HM13: variants seen among roughly 807,000 people sequenced by gnomAD.
HM13 encodes histocompatibility minor 13.
In HM13, 18 loss-of-function variants were observed where a neutral mutation model predicts 50.0. The observed-to-expected ratio is 0.36, with a 90% CI of 0.25 to 0.53. The LOEUF is 0.53. Ranked by LOEUF, HM13 falls within the 20% of genes least tolerant of loss-of-function variation. The pLI is 0.90. For synonymous variants in HM13, 197 were observed against 232.6 expected, an observed-to-expected ratio of 0.85 and a Z score of 1.39; for missense variants, 393 against 552.4, an observed-to-expected ratio of 0.71 and a Z score of 2.89.
chr20:31,522,163 G>A (rs1982202498), intron 1 of HM13, among the ~76,000 whole-genome samples: 1 of 152,146 alleles, frequency 6.6e-6, no homozygotes, highest in Non-Finnish European at 1.5e-5. Flanking sequence ...CCATAATGCT[G>A]GTTTGTAGGT....
At chr20:31,545,788 G>A (rs1240592051) in intron 4 of HM13, among the ~76,000 whole-genome samples, 1 of 151,960 alleles carries the variant, frequency 6.6e-6, no homozygotes, top group Non-Finnish European at 1.5e-5. Context: ...GTGCAGTGGT[G>A]CGATCTCAGC....
intron 1 of HM13, among the ~76,000 whole-genome samples, chr20:31,526,066 C>T (rs7273756): frequency 1.3e-5 from 2 of 151,834 alleles, no homozygotes. Flanking sequence ...CAGAGGTTGC[C>T]GTGAGCCAAG....
chr20:31,559,575 TC>T lies in HM13; in HGVS notation c.809-33del, dbSNP rs778425970. ...CCTGTTAGTTCACTGCCCTGCTGCT[TC>T]CCTGCCACTCTCTAACCCCAGCTTT... On this transcript the variant is annotated intron_variant, in intron 8 of 12. Transcript: ENST00000398174. The T allele has an allele frequency of 4.3e-6, 7 of 1,611,980 alleles. No homozygotes were observed. In the African/African-American group the frequency reaches 8.0e-5, roughly 18 times the overall value.
At chr20:31,528,041 C>G (rs1982600084) in intron 2 of HM13, 1 of 153,170 alleles carries the variant, frequency 6.5e-6, no homozygotes, top group African/African-American at 2.4e-5. Context: ...GTCACAGTTT[C>G]CCTTCGGAGG....
rs369324901 is a variant in HM13 at position 31,514,551 on chromosome 20, C to T, written c.-1C>T. The stretch of plus-strand genomic sequence containing the variant: ...AGTCGGATCCCGAACGCACCCTCGC[C>T]ATGGACTCGGCCCTCAGCGATCCGC... On this transcript the variant is annotated 5_prime_UTR_variant, in exon 1 of 13. Coordinates refer to ENST00000398174, the MANE Select transcript of HM13 (RefSeq NM_178581.3). The surrounding 1 kb of genome is among the most constrained non-coding windows in gnomAD (Gnocchi z 4.3). 3.7e-6 allele frequency: 6 copies of T among 1,605,082 alleles called. No homozygotes were observed. Among genetic ancestry groups the T allele is most frequent in the Non-Finnish European group, 5.1e-6 (6 of 1,177,616 alleles).
intron 1 of HM13, among the ~76,000 whole-genome samples, chr20:31,518,225 G>A (rs1349754051): frequency 6.6e-6 from 1 of 151,308 alleles, no homozygotes; most frequent in African/African-American, 2.4e-5. Context: ...AGTAGAGACG[G>A]GATTTCTCCA....
chr20:31,561,558 G>A, intron 9 of HM13, 76 bp from the exon 10 acceptor site: 1 of 1,024,730 alleles, frequency 9.8e-7, no homozygotes, highest in Non-Finnish European at 1.6e-6. Context: ...GTCTTCCCCA[G>A]CTCCCTCAGA....
chr20:31,554,169 G>C (rs528751455), intron 7 of HM13, among the ~76,000 whole-genome samples: 1 of 152,172 alleles, frequency 6.6e-6, no homozygotes, highest in Admixed American at 6.5e-5. Flanking sequence ...AGAAACAAAT[G>C]TGTGAGTTTC....
At chr20:31,526,281 C>T (rs112703128) in intron 1 of HM13, among the ~76,000 whole-genome samples, 1 of 151,970 alleles carries the variant, frequency 6.6e-6, no homozygotes, top group Non-Finnish European at 1.5e-5. Flanking sequence ...GACTCAGCCT[C>T]CTGAGTAGCT....
chr20:31,548,172 G>T, intron 4 of HM13: 1 of 740,262 alleles, frequency 1.4e-6, no homozygotes, highest in Non-Finnish European at 2.4e-6. Flanking sequence ...AAGTTTAACA[G>T]ATACTTTATA....
intron 10 of HM13, 113 bp downstream of exon 10, chr20:31,561,849 T>C: frequency 1.3e-6 from 1 of 746,024 alleles, no homozygotes; most frequent in Non-Finnish European, 2.4e-6. Flanking sequence ...CCCACTGGTG[T>C]TGGAGCAGTC....
chr20:31,522,327 C>CCAAG (rs1455499494), intron 1 of HM13, among the ~76,000 whole-genome samples: 1 of 152,074 alleles, frequency 6.6e-6, no homozygotes, highest in Non-Finnish European at 1.5e-5. Flanking sequence ...CTTTGGGAGG[C>CCAAG]CAAGGCAGGC....
At chr20:31,544,274 C>A (rs1331812455) in intron 3 of HM13, among the ~76,000 whole-genome samples, 1 of 152,208 alleles carries the variant, frequency 6.6e-6, no homozygotes, top group African/African-American at 2.4e-5. Context: ...GAAAAAAGTC[C>A]AGAAAAGGTC....
At chr20:31,557,847 A>G (rs142775006) in intron 8 of HM13, among the ~76,000 whole-genome samples, 1,746 of 152,006 alleles carry the variant, frequency 0.011, 30 homozygotes, top group African/African-American at 0.04. Context: ...AGCTGGGATT[A>G]CAGGCATGTG....
At position 31,514,956 on chromosome 20, in the gene HM13, G is replaced by A. The variant is rs1981682653; in HGVS notation, c.183+222G>A. On this transcript the variant is annotated intron_variant, in intron 1 of 12. Coordinates refer to ENST00000398174, the MANE Select transcript of HM13 (RefSeq NM_178581.3). This position sits in a 1 kb window ranked among gnomAD's most constrained non-coding sequence, Gnocchi z 4.3. ...CAGGGTATGATACCTTCCCCAATAG[G>A]AACTTGCTTCTGCTCCCGACCCGGA... 6.6e-6 allele frequency among the ~76,000 whole-genome samples: 1 copy of A among 152,088 alleles called. No homozygotes were observed. The highest frequency in any genetic ancestry group is 2.4e-5 in the African/African-American group (1 of 41,386).
intron 2 of HM13, among the ~76,000 whole-genome samples, chr20:31,536,169 G>A (rs1028435240): frequency 6.6e-6 from 1 of 152,162 alleles, no homozygotes; most frequent in African/African-American, 2.4e-5. Flanking sequence ...TTCAAGACCA[G>A]CCTGACCAAC....
intron 7 of HM13, among the ~76,000 whole-genome samples, chr20:31,553,519 G>A (rs1984140830): frequency 6.6e-6 from 1 of 152,068 alleles, no homozygotes; most frequent in Non-Finnish European, 1.5e-5. Flanking sequence ...GGTCAGTTCT[G>A]TTGTCTACCC....
chr20:31,515,600 T>C (rs1981724035), intron 1 of HM13, among the ~76,000 whole-genome samples: 1 of 152,026 alleles, frequency 6.6e-6, no homozygotes, highest in Admixed American at 6.6e-5. Flanking sequence ...TGGGCCTGTC[T>C]GCTGGGCCAC....
At position 31,559,645 on chromosome 20, in the gene HM13, C is replaced by A. The variant is rs778338252; in HGVS notation, c.843C>A (p.Ile281=). ...IFIALLLRFD[I]SLKKNTHTYF... is the part of the protein sequence containing the mutation. Reference sequence around the variant, plus strand: ...TTGCCTTGCTGCTGCGCTTTGACATCAGGTGAGTGAGTGAGGGCCTGCCCC... The same window carrying A: ...TTGCCTTGCTGCTGCGCTTTGACATAAGGTGAGTGAGTGAGGGCCTGCCCC... Residue 281 remains isoleucine (I), a splice_region_variant and synonymous_variant, in exon 9 of 13, where the codon ATC becomes ATA. Transcript: ENST00000398174. 6.2e-7 allele frequency: 1 copy of A among 1,614,132 alleles called. No individual in the cohort carries two copies. The highest frequency in any genetic ancestry group is 2.2e-5 in the East Asian group (1 of 44,882).
Sources: allele counts gnomAD v4.1 joint callset (sites outside exome capture counted in the v4.1 genomes callset), GRCh38; gene constraint gnomAD v4.1.1; non-coding constraint Gnocchi (gnomAD v3.1); transcripts MANE v1.5; gene names NCBI Gene and HGNC (gene_info 2026-07-23, HGNC 2026-07-21).